Variants in ZMYM2 observed in about 807,000 individuals in gnomAD.
The protein encoded by ZMYM2 is zinc finger MYM-type protein 2.
In ZMYM2, 56 loss-of-function variants were observed where a neutral mutation model predicts 162.8. The observed-to-expected ratio is 0.34, with a 90% CI of 0.28 to 0.43. The LOEUF (loss-of-function observed/expected upper bound fraction) is 0.43. Among genes scored for constraint, ZMYM2 ranks in the 20% least tolerant of loss-of-function variants. The pLI is 1.00. For synonymous variants in ZMYM2, 510 were observed against 541.6 expected (o/e 0.94, Z 0.81); for missense variants, 1,275 against 1,621.8 (o/e 0.79, Z 3.67).
chr13:20,082,021 G>A lies in ZMYM2; in HGVS notation c.3459G>A (p.Leu1153=), dbSNP rs763160658. The change falls in exon 22 of 25, where the codon TTG becomes TTA. Residue 1153 remains leucine, a synonymous_variant. Coordinates refer to ENST00000610343, the MANE Select transcript of ZMYM2 (RefSeq NM_197968.4). ...GGCTTTTTTTTTTTTTATAGTATTT[G>A]TGTGGAAGTAATCGAAAAGACAACA... ...YYLCLGIQEY[L]CGSNRKDNIF... 6.5e-7 allele frequency: 1 copy of A among 1,543,144 alleles called. No homozygotes were observed. The highest frequency in any genetic ancestry group is 2.0e-5 in the Admixed American group (1 of 51,142).
the ZMYM2 span, among the ~76,000 whole-genome samples, chr13:19,940,000 A>C: frequency 6.6e-6 from 1 of 152,210 alleles, no homozygotes; most frequent in Non-Finnish European, 1.5e-5. Context: ...CGTATTGTTA[A>C]CCGAGAAATC....
At chr13:19,957,521 G>A (rs971101430), upstream of ZMYM2, among the ~76,000 whole-genome samples, 1 of 151,188 alleles carries the variant, frequency 6.6e-6, no homozygotes. Context: ...CAAAAGAGAA[G>A]ACCCCTCGTG....
chr13:20,036,440 C>A (rs899583667), intron 11 of ZMYM2, among the ~76,000 whole-genome samples: 8 of 152,060 alleles, frequency 5.3e-5, no homozygotes, highest in African/African-American at 1.9e-4. Flanking sequence ...AAGATTCTAT[C>A]TGTCTATTTC....
intron 10 of ZMYM2, among the ~76,000 whole-genome samples, chr13:20,032,160 C>T (rs1042160607): frequency 6.6e-6 from 1 of 152,182 alleles, no homozygotes; most frequent in African/African-American, 2.4e-5. Context: ...CATGAGCCAC[C>T]ATGCCCGGCC....
At chr13:20,081,791 C>A (rs1957928209) in intron 21 of ZMYM2, among the ~76,000 whole-genome samples, 1 of 150,804 alleles carries the variant, frequency 6.6e-6, no homozygotes, top group Non-Finnish European at 1.5e-5. Context: ...ATTCTTGATT[C>A]TGGGGTGTGT....
chr13:20,044,953 G>A (rs1954620063), intron 12 of ZMYM2, among the ~76,000 whole-genome samples: 1 of 150,148 alleles, frequency 6.7e-6, no homozygotes, highest in Admixed American at 6.7e-5. Context: ...GGGAGGCTGA[G>A]GCAGGAAAAT....
the ZMYM2 span, among the ~76,000 whole-genome samples, chr13:19,942,587 G>A: frequency 6.6e-6 from 1 of 151,462 alleles, no homozygotes; most frequent in African/African-American, 2.4e-5. Flanking sequence ...GCACATGACT[G>A]TAGTCCCAGC....
chr13:20,067,078 G>C, intron 20 of ZMYM2, 59 bp downstream of exon 20: 1 of 1,490,138 alleles, frequency 6.7e-7, no homozygotes, highest in Non-Finnish European at 9.0e-7. Context: ...TTCTGTTATT[G>C]AGTACCTTTA....
chr13:19,874,101 CTT>C, the ZMYM2 span, among the ~76,000 whole-genome samples: 4 of 152,206 alleles, frequency 2.6e-5, no homozygotes, highest in Admixed American at 2.0e-4. Context: ...AAAAGGACCT[CTT>C]TCCTCCCACT....
the ZMYM2 span, among the ~76,000 whole-genome samples, chr13:19,947,935 TA>T: frequency 0.028 from 4,112 of 145,664 alleles, 124 homozygotes; most frequent in East Asian, 0.14. Context: ...TGCCATGTAA[TA>T]AAAAAAATTA....
Position 20,052,076 on chromosome 13 carries a change from C to T in ZMYM2, c.2459-201C>T, listed in dbSNP as rs538588315. On this transcript the variant is annotated intron_variant, in intron 13 of 24. Transcript: ENST00000610343. ...AAGCAGTGTATACTTTCAGAGGGGA[C>T]GAAAGGAGAAAAGGATTAATTTCAT... Among the ~76,000 whole-genome samples the T allele has an allele frequency of 2.6e-5, 4 of 151,976 alleles. 1 individual carries two copies. Among genetic ancestry groups the T allele is most frequent in the Middle Eastern group, 6.8e-3 (2 of 294 alleles).
At chr13:20,061,300 AG>A (rs34859446) in intron 17 of ZMYM2, 76 bp downstream of exon 17, 1 of 1,478,004 alleles carries the variant, frequency 6.8e-7, no homozygotes, top group Non-Finnish European at 9.1e-7. Flanking sequence ...AGTACTTTCC[AG>A]GGCATATCAT....
chr13:19,991,198 C>T (rs542461461), intron 2 of ZMYM2, among the ~76,000 whole-genome samples: 7 of 151,952 alleles, frequency 4.6e-5, no homozygotes, highest in Admixed American at 1.3e-4. Context: ...ACTGCAACCT[C>T]GAACTCCTGG....
In ZMYM2 at chr13:20,088,193, G is replaced by C. The variant is rs1204228825; in HGVS notation, c.*2179G>C. The C allele has an allele frequency of 9.7e-6, 2 of 206,112 alleles. No homozygotes were observed. The allele number at this position is 206,112 out of a possible 1,614,324, so 12.8% of individuals were successfully genotyped here. On this transcript the variant is annotated 3_prime_UTR_variant, in exon 25 of 25. Transcript: ENST00000610343. ...GTCTTTGTCTTGATTGCAATCCAAC[G>C]ATAGATTAACTTGATTCTCAGGGGG...
chr13:20,065,663 G>T (rs1487256252), intron 19 of ZMYM2, among the ~76,000 whole-genome samples: 5 of 152,064 alleles, frequency 3.3e-5, no homozygotes, highest in Non-Finnish European at 2.9e-5. Context: ...AACCAGCCAG[G>T]CATGGTGGCA....
At chr13:19,936,205 A>G in the ZMYM2 span, among the ~76,000 whole-genome samples, 1 of 152,160 alleles carries the variant, frequency 6.6e-6, no homozygotes, top group Non-Finnish European at 1.5e-5. Flanking sequence ...AAGAGGGTTC[A>G]TTTCAGACTT....
chr13:19,911,143 A>G, the ZMYM2 span, among the ~76,000 whole-genome samples: 1 of 137,324 alleles, frequency 7.3e-6, no homozygotes, highest in East Asian at 2.2e-4. Context: ...TGCAAACTCC[A>G]CCTCCCAGGT....
chr13:20,023,770 C>T (rs906605411), intron 7 of ZMYM2, among the ~76,000 whole-genome samples: 25 of 152,098 alleles, frequency 1.6e-4, no homozygotes, highest in African/African-American at 4.6e-4. Flanking sequence ...ATTTTGATTG[C>T]TTACATATAA....
chr13:20,043,508 T>G (rs1042373746), intron 12 of ZMYM2, among the ~76,000 whole-genome samples: 2 of 151,888 alleles, frequency 1.3e-5, no homozygotes, highest in Non-Finnish European at 2.9e-5. Flanking sequence ...GCACTGGTGG[T>G]GGTGGTGGTG....
Sources: gnomAD v4.1 joint callset for allele counts (sites outside exome capture counted in the v4.1 genomes callset) on GRCh38, gnomAD v4.1.1 for gene constraint, MANE v1.5 for transcripts, NCBI Gene and HGNC (gene_info 2026-07-23, HGNC 2026-07-21) for gene names.